Variants in CAST observed in about 807,000 individuals in gnomAD.
The protein encoded by CAST is calpastatin, also known as MIR583 host.
Under a neutral mutation model 119.6 loss-of-function variants are expected in CAST, and 76 were observed. The observed-to-expected ratio is 0.64, with a 90% CI of 0.53 to 0.77. The LOEUF (loss-of-function observed/expected upper bound fraction) is 0.77. Ranked by LOEUF, CAST falls within the 30% of genes least tolerant of loss-of-function variation. The pLI is 0.00. For missense variants in CAST, 953 were observed against 946.5 expected (o/e 1.01, Z -0.09); for synonymous variants, 319 against 331.6 (o/e 0.96, Z 0.41).
chr5:96,568,401 T>C (rs1746511073), intron 1 of CAST, among the ~76,000 whole-genome samples: 1 of 151,736 alleles, frequency 6.6e-6, no homozygotes, highest in Non-Finnish European at 1.5e-5. Flanking sequence ...CTTATCTCTA[T>C]TAAAAATACA....
At chr5:96,377,676 C>A in the CAST span, among the ~76,000 whole-genome samples, 1 of 152,082 alleles carries the variant, frequency 6.6e-6, no homozygotes, top group Admixed American at 6.6e-5. Flanking sequence ...TGACATATTT[C>A]TTAGACTGTA....
the CAST span, among the ~76,000 whole-genome samples, chr5:96,463,920 C>T: frequency 4.5e-4 from 68 of 151,858 alleles, no homozygotes; most frequent in Middle Eastern, 3.4e-3. Flanking sequence ...TCTATTTTGA[C>T]GTGAAGACAC....
chr5:95,973,020 TC>T, the CAST span: 2 of 152,266 alleles, frequency 1.3e-5, no homozygotes, highest in Non-Finnish European at 2.9e-5. Flanking sequence ...CTAATTACTT[TC>T]CAAAGTGATG....
intron 1 of CAST, among the ~76,000 whole-genome samples, chr5:96,562,854 G>C (rs909422153): frequency 6.6e-6 from 1 of 152,156 alleles, no homozygotes; most frequent in African/African-American, 2.4e-5. Flanking sequence ...TGTCTGACAG[G>C]ATTCATGATA....
the CAST span, among the ~76,000 whole-genome samples, chr5:96,243,949 G>A: frequency 1.3e-5 from 2 of 152,332 alleles, no homozygotes; most frequent in Admixed American, 6.5e-5. Flanking sequence ...TGGATTAAGT[G>A]TGTTAATAAC....
chr5:96,330,431 G>T, the CAST span, among the ~76,000 whole-genome samples: 1 of 152,196 alleles, frequency 6.6e-6, no homozygotes, highest in East Asian at 1.9e-4. Flanking sequence ...ACATGGTGAT[G>T]TCTCAAGGGG....
intron 2 of CAST, 171 bp from the exon 3 acceptor site, chr5:96,695,665 C>A: frequency 2.1e-6 from 1 of 477,022 alleles, no homozygotes; most frequent in Non-Finnish European, 4.0e-6. Context: ...ATATTTGTAT[C>A]ATCTTCAGGC....
At chr5:96,705,331 A>ATG (rs570136830) in intron 3 of CAST, among the ~76,000 whole-genome samples, 85 of 152,070 alleles carry the variant, frequency 5.6e-4, no homozygotes, top group Admixed American at 9.2e-4. Flanking sequence ...AAATATATAT[A>ATG]TAAAGAAAAA....
the CAST span, among the ~76,000 whole-genome samples, chr5:96,334,773 C>T: frequency 6.6e-6 from 1 of 152,168 alleles, no homozygotes; most frequent in Non-Finnish European, 1.5e-5. Context: ...CAAAAGTGAT[C>T]CTTACCCTTG....
the CAST span, among the ~76,000 whole-genome samples, chr5:96,238,634 A>C: frequency 6.6e-6 from 1 of 151,028 alleles, no homozygotes; most frequent in African/African-American, 2.4e-5. Context: ...CTCTGACCTC[A>C]AATGCTCTGC....
chr5:96,559,526 C>T (rs1485908928), intron 1 of CAST, among the ~76,000 whole-genome samples: 1 of 152,190 alleles, frequency 6.6e-6, no homozygotes, highest in East Asian at 1.9e-4. Flanking sequence ...GATACAAAAT[C>T]AATGTGCAAA....
chr5:96,706,445 C>T (rs576706975), intron 3 of CAST, among the ~76,000 whole-genome samples: 2 of 152,184 alleles, frequency 1.3e-5, no homozygotes, highest in African/African-American at 2.4e-5. Context: ...ACTGTAAAAG[C>T]GGAGTGAAAG....
intron 1 of CAST, among the ~76,000 whole-genome samples, chr5:96,613,787 G>T (rs1428917347): frequency 3.9e-5 from 6 of 152,106 alleles, no homozygotes; most frequent in Non-Finnish European, 8.8e-5. Context: ...AAATAACCTG[G>T]GACTTCTATT....
chr5:96,526,337 T>C (rs1406799387), upstream of CAST, among the ~76,000 whole-genome samples: 2 of 152,084 alleles, frequency 1.3e-5, no homozygotes, highest in Admixed American at 6.6e-5. Context: ...AGATAAATTA[T>C]GGGAAGGTAG....
At chr5:96,701,188 A>T (rs561374760) in intron 3 of CAST, among the ~76,000 whole-genome samples, 1 of 152,256 alleles carries the variant, frequency 6.6e-6, no homozygotes, top group East Asian at 1.9e-4. Context: ...TCGGCCTCCC[A>T]AAGTGGTGGG....
the CAST span, among the ~76,000 whole-genome samples, chr5:96,173,529 A>G: frequency 6.6e-6 from 1 of 152,254 alleles, no homozygotes; most frequent in African/African-American, 2.4e-5. Context: ...ATGTAGTAAT[A>G]CCAGAAATTC....
the CAST span, among the ~76,000 whole-genome samples, chr5:96,377,565 G>A: frequency 0.045 from 6,795 of 152,204 alleles, 443 homozygotes; most frequent in African/African-American, 0.15. Context: ...TAGCCTAGGA[G>A]CAACAGGCTA....
chr5:96,400,789 TAGA>T, the CAST span, among the ~76,000 whole-genome samples: 1 of 152,188 alleles, frequency 6.6e-6, no homozygotes, highest in Admixed American at 6.5e-5. Context: ...TCTTGTCTTT[TAGA>T]AGTTTACAAT....
chr5:96,614,082 A>C (rs987790681), intron 1 of CAST, among the ~76,000 whole-genome samples: 2 of 152,224 alleles, frequency 1.3e-5, no homozygotes, highest in Non-Finnish European at 2.9e-5. Flanking sequence ...GTAAGTGACC[A>C]GGTAATACAA....
Sources: allele counts gnomAD v4.1 joint callset (sites outside exome capture counted in the v4.1 genomes callset), GRCh38; gene constraint gnomAD v4.1.1; transcripts MANE v1.5; gene names NCBI Gene and HGNC (gene_info 2026-07-23, HGNC 2026-07-21).